GSE1: variants seen among roughly 807,000 people sequenced by gnomAD.
GSE1 encodes the protein Gse1 coiled-coil protein, also known as genetic suppressor element 1.
A neutral mutation model predicts 112.6 loss-of-function variants in GSE1; 32 were observed. The observed-to-expected ratio is 0.28, with a 90% CI of 0.21 to 0.38. The LOEUF (loss-of-function observed/expected upper bound fraction) is 0.38, where lower values mean the gene tolerates loss of function less well. Among genes scored for constraint, GSE1 ranks in the 10% least tolerant of loss-of-function variants. The pLI is 1.00. For missense variants in GSE1, 2,348 were observed against 1,699.2 expected, an observed-to-expected ratio of 1.38 and a Z score of -6.71; for synonymous variants, 1,115 against 735.6, an observed-to-expected ratio of 1.52 and a Z score of -8.35.
chr16:85,508,907 T>C lies in GSE1; in HGVS notation c.2465-125007T>C, dbSNP rs150030786. On this transcript the variant is annotated intron_variant, in intron 2 of 2. Coordinates refer to the GSE1 transcript ENST00000637419. ...GTCAGGGTCTTTCCCCCTCAGCGTA[T>C]GTGCACTGGGCAGGCACACATGGTT... Among the ~76,000 whole-genome samples, 633 of 152,314 alleles carry C rather than the reference T, an allele frequency of 4.2e-3. 4 individuals carry two copies. Among genetic ancestry groups the C allele is most frequent in the Non-Finnish European group, 6.2e-3 (421 of 68,022 alleles).
Position 85,246,471 on chromosome 16 carries a change from G to GCACACA in GSE1, c.2283+74680_2283+74685dup, listed in dbSNP as rs143143067. Among the ~76,000 whole-genome samples the GCACACA allele has an allele frequency of 6.4e-3, 236 of 36,810 alleles. 26 individuals carry two copies. Among genetic ancestry groups the GCACACA allele is most frequent in the African/African-American group, 0.024 (225 of 9,532 alleles). 24.1% of individuals were successfully genotyped at this position (36,810 alleles called of 152,430 possible). A position where few individuals can be genotyped will look rare whatever the true frequency, so the allele number is the denominator to read the frequency against. On this transcript the variant is annotated intron_variant, in intron 1 of 2. Transcript: ENST00000637419. ...CACACACACACACACCCCACACGCT[G>GCACACA]CACACACACACACACACACACTCTA...
At chr16:85,370,282 C>T (rs1003004084) in intron 2 of GSE1, among the ~76,000 whole-genome samples, 4 of 152,198 alleles carry the variant, frequency 2.6e-5, no homozygotes, top group South Asian at 2.1e-4. Context: ...GAGCAACGCA[C>T]CCCAGGAGAT....
chr16:85,328,156 C>T (rs1445219245), intron 1 of GSE1, among the ~76,000 whole-genome samples: 1 of 152,250 alleles, frequency 6.6e-6, no homozygotes. Flanking sequence ...AGCTCGTTCT[C>T]ACCAGGCCAG....
intron 1 of GSE1, among the ~76,000 whole-genome samples, chr16:85,195,498 T>C (rs936601845): frequency 2.0e-5 from 3 of 152,334 alleles, no homozygotes; most frequent in African/African-American, 7.2e-5. Context: ...ACGCAGGGGA[T>C]GGACTTGGAT....
rs1245593983 is a variant in GSE1, at chr16:85,415,660, T to C, written c.2464+58017T>C. 2.0e-5 allele frequency among the ~76,000 whole-genome samples: 3 copies of C among 152,354 alleles called. No individual in the cohort carries two copies. In the East Asian group the frequency reaches 5.8e-4, roughly 29 times the overall value. On this transcript the variant is annotated intron_variant, in intron 2 of 2. Transcript: ENST00000637419. ...TCTGTTTGGAAGAAGATTCATTCCC[T>C]GTACAGTTGACGGCCCCACAGCAGA...
exon 1 of GSE1, chr16:85,171,774 G>C: frequency 2.0e-6 from 2 of 985,614 alleles, no homozygotes; most frequent in Non-Finnish European, 2.4e-6. Flanking sequence ...AAGGACCCAT[G>C]AGCTGGAGCT....
At chr16:85,613,432 C>T (rs1248290124) in intron 1 of GSE1, 34 bp downstream of exon 1, 11 of 1,523,472 alleles carry the variant, frequency 7.2e-6, no homozygotes, top group African/African-American at 2.8e-5. Flanking sequence ...GGACGGGGTC[C>T]TCCCCCCTCC....
chr16:85,568,033 A>G (rs576932216), intron 1 of GSE1, among the ~76,000 whole-genome samples: 1 of 152,174 alleles, frequency 6.6e-6, no homozygotes, highest in East Asian at 1.9e-4. Context: ...CCTGGGCTCC[A>G]CCTCTTAATG....
chr16:85,362,712 T>C (rs991206357), intron 2 of GSE1, among the ~76,000 whole-genome samples: 1 of 152,212 alleles, frequency 6.6e-6, no homozygotes, highest in Non-Finnish European at 1.5e-5. Flanking sequence ...TGAATGTGCT[T>C]TCTGCATGGC....
intron 2 of GSE1, among the ~76,000 whole-genome samples, chr16:85,507,675 G>A (rs746772069): frequency 3.3e-5 from 5 of 152,072 alleles, no homozygotes; most frequent in Non-Finnish European, 7.4e-5. Context: ...TTCTTCTTAT[G>A]GGGACACCAG....
At position 85,668,232 on chromosome 16, in the gene GSE1, C is replaced by G. The variant is rs138762584; in HGVS notation, c.3223C>G (p.Pro1075Ala). The G allele has an allele frequency of 6.2e-7, 1 of 1,610,540 alleles. No homozygotes were observed. The change falls in exon 14 of 16, where the codon CCT becomes GCT. Residue 1075 changes from proline to alanine, a missense_variant. By Grantham distance (27) the Pro-to-Ala change is conservative. Transcript: ENST00000253458. ...TGAGCTGCAGTCCTCCAGCCGCGCC[C>G]CTCCACCCCAGCACAATGGGCAGCA... ...IPELQSSSRA[P>A]PPQHNGQQEP...
At chr16:85,615,283 C>G (rs2048303325) in intron 1 of GSE1, among the ~76,000 whole-genome samples, 1 of 152,194 alleles carries the variant, frequency 6.6e-6, no homozygotes, top group African/African-American at 2.4e-5. Flanking sequence ...TGCAGGGAGT[C>G]GCCCCGCCCA....
chr16:85,613,732 G>T (rs1394543233), intron 1 of GSE1, among the ~76,000 whole-genome samples: 1 of 148,778 alleles, frequency 6.7e-6, no homozygotes, highest in African/African-American at 2.5e-5. Flanking sequence ...GTGGCGGGGG[G>T]AGTCTCCGAG....
chr16:85,532,606 C>T (rs962504822), intron 2 of GSE1, among the ~76,000 whole-genome samples: 1 of 152,106 alleles, frequency 6.6e-6, no homozygotes, highest in East Asian at 1.9e-4. Context: ...CTACATGCCA[C>T]GTCTGTGTGT....
chr16:85,639,023 G>A (rs1385426552), intron 2 of GSE1, among the ~76,000 whole-genome samples: 4 of 152,174 alleles, frequency 2.6e-5, no homozygotes, highest in Non-Finnish European at 5.9e-5. Context: ...TCTAGAAGGA[G>A]GCTGCAGGTT....
At chr16:85,589,562 A>AT (rs1483995608) in intron 1 of GSE1, among the ~76,000 whole-genome samples, 2 of 152,198 alleles carry the variant, frequency 1.3e-5, no homozygotes, top group Admixed American at 6.5e-5. Context: ...CTCCAAGTGA[A>AT]TAACATTTCT....
At chr16:85,382,512 T>A (rs76883098) in intron 2 of GSE1, among the ~76,000 whole-genome samples, 17,951 of 152,110 alleles carry the variant, frequency 0.12, 1,724 homozygotes, top group African/African-American at 0.26. Flanking sequence ...ATGCACGTGG[T>A]CTGCCCCTCA....
intron 1 of GSE1, chr16:85,593,671 T>C (rs1203741988): frequency 1.4e-5 from 2 of 147,138 alleles, no homozygotes; most frequent in Admixed American, 6.8e-5. Context: ...GAATGTCTAA[T>C]CTCCAATTTT....
At chr16:85,564,751 T>C (rs1390189350) in intron 1 of GSE1, among the ~76,000 whole-genome samples, 2 of 152,076 alleles carry the variant, frequency 1.3e-5, no homozygotes, top group Non-Finnish European at 2.9e-5. Flanking sequence ...TAGGAGAGAA[T>C]GTGCAGGCAG....
Sources: allele counts gnomAD v4.1 joint callset (sites outside exome capture counted in the v4.1 genomes callset), GRCh38; gene constraint gnomAD v4.1.1; transcripts MANE v1.5; gene names NCBI Gene and HGNC (gene_info 2026-07-23, HGNC 2026-07-21).